The following OR51B5 variants were observed in gnomAD, a reference collection of about 807,000 sequenced individuals.
OR51B5 encodes the protein olfactory receptor family 51 subfamily B member 5, also known as olfactory receptor 51B5.
For missense variants in OR51B5, 456 were observed against 374.6 expected, an observed-to-expected ratio of 1.22 and a Z score of -1.79; for synonymous variants, 186 against 144.8, an observed-to-expected ratio of 1.28 and a Z score of -2.04.
chr11:5,459,228 T>C lies in OR51B5; in HGVS notation n.84+46341A>G, dbSNP rs1291902467. 2.0e-5 allele frequency among the ~76,000 whole-genome samples: 3 copies of C among 152,326 alleles called. No individual in the cohort carries two copies. The East Asian group carries it at 5.8e-4, about 29-fold the overall frequency. On this transcript the variant is annotated intron_variant and non_coding_transcript_variant, in intron 1 of 4. Coordinates refer to the OR51B5 transcript ENST00000415970. The stretch of plus-strand genomic sequence containing the variant: ...GAGATGGTTACATGGTCTTTGCTTT[T>C]AGTTCTGTTAAAGAGATGAATCACA...
chr11:5,376,397 AAAG>A (rs1042324374), intron 1 of OR51B5, among the ~76,000 whole-genome samples: 1 of 152,118 alleles, frequency 6.6e-6, no homozygotes. Flanking sequence ...ATCACAATTA[AAAG>A]AACTAGATAA....
intron 1 of OR51B5, chr11:5,505,533 G>C (rs1032793696): frequency 5.1e-6 from 6 of 1,173,092 alleles, no homozygotes; most frequent in African/African-American, 4.9e-5. Flanking sequence ...CCCGAGACTG[G>C]GCAATTTATA....
intron 1 of OR51B5, among the ~76,000 whole-genome samples, chr11:5,399,360 G>C (rs1285324941): frequency 2.0e-5 from 3 of 152,192 alleles, no homozygotes; most frequent in Non-Finnish European, 2.9e-5. Context: ...AAGAGATATA[G>C]AGTGGAGAGA....
intron 1 of OR51B5, among the ~76,000 whole-genome samples, chr11:5,376,290 A>C (rs890307573): frequency 9.9e-5 from 15 of 152,166 alleles, no homozygotes; most frequent in Admixed American, 7.2e-4. Context: ...ACATACCAGA[A>C]TCTCTGGGAC....
chr11:5,383,360 TAGAC>T (rs1849639852), intron 1 of OR51B5, among the ~76,000 whole-genome samples: 1 of 152,092 alleles, frequency 6.6e-6, no homozygotes, highest in Non-Finnish European at 1.5e-5. Flanking sequence ...AATATAAAAA[TAGAC>T]AGGAAAATGA....
At position 5,390,137 on chromosome 11, in the gene OR51B5, C is replaced by A. The variant is rs769876897; in HGVS notation, n.85-43227G>T. The A allele has an allele frequency of 2.5e-5, 41 of 1,613,668 alleles. No homozygotes were observed. Among genetic ancestry groups the A allele is most frequent in the Non-Finnish European group, 3.4e-5 (40 of 1,179,848 alleles). The stretch of plus-strand genomic sequence containing the variant: ...AGGCCTGGCCTCCCAAGAGGAGCAG[C>A]GCCGTGCCTTTCAGACATGCACCGC... On this transcript the variant is annotated intron_variant and non_coding_transcript_variant, in intron 1 of 4. Coordinates refer to the OR51B5 transcript ENST00000415970.
intron 1 of OR51B5, among the ~76,000 whole-genome samples, chr11:5,380,174 G>T (rs1388431495): frequency 6.6e-6 from 1 of 152,170 alleles, no homozygotes; most frequent in Non-Finnish European, 1.5e-5. Context: ...ACTGAAGAGA[G>T]GTAGGATGTT....
chr11:5,389,299 G>A, intron 1 of OR51B5: 1 of 1,137,200 alleles, frequency 8.8e-7, no homozygotes. Context: ...TACTAAAGGT[G>A]ATGATGACCA....
intron 1 of OR51B5, among the ~76,000 whole-genome samples, chr11:5,382,612 C>T (rs1266068581): frequency 6.6e-6 from 1 of 152,160 alleles, no homozygotes; most frequent in Non-Finnish European, 1.5e-5. Context: ...TGAAATTTTT[C>T]TGGTAGTGGT....
chr11:5,381,581 G>C (rs1849609632), intron 1 of OR51B5, among the ~76,000 whole-genome samples: 1 of 152,204 alleles, frequency 6.6e-6, no homozygotes, highest in East Asian at 1.9e-4. Context: ...ATAAAGGCAA[G>C]ACCATGACAT....
chr11:5,376,348 C>G (rs886193092), intron 1 of OR51B5, among the ~76,000 whole-genome samples: 96 of 152,180 alleles, frequency 6.3e-4, no homozygotes, highest in African/African-American at 2.2e-3. Flanking sequence ...TAAACGCCCA[C>G]AAGAGAAAGC....
At chr11:5,436,478 T>G (rs1396129899) in intron 1 of OR51B5, among the ~76,000 whole-genome samples, 4 of 152,168 alleles carry the variant, frequency 2.6e-5, no homozygotes, top group African/African-American at 9.6e-5. Flanking sequence ...TGACAGAATC[T>G]CATGTCTGTG....
intron 1 of OR51B5, among the ~76,000 whole-genome samples, chr11:5,496,249 C>T (rs774022802): frequency 5.1e-4 from 26 of 50,512 alleles, no homozygotes; most frequent in Non-Finnish European, 1.1e-3. Context: ...TCTCATAGGG[C>T]CCCTTGCATG....
At chr11:5,351,007 C>T (rs561755889) in intron 1 of OR51B5, among the ~76,000 whole-genome samples, 3 of 152,108 alleles carry the variant, frequency 2.0e-5, no homozygotes, top group Non-Finnish European at 2.9e-5. Flanking sequence ...TCCATATAAT[C>T]TTTATATCTG....
At chr11:5,435,456 C>T (rs1388470792) in intron 1 of OR51B5, among the ~76,000 whole-genome samples, 1 of 147,816 alleles carries the variant, frequency 6.8e-6, no homozygotes, top group Admixed American at 6.8e-5. Context: ...TGTCTGTATC[C>T]CTACCAGACC....
intron 1 of OR51B5, among the ~76,000 whole-genome samples, chr11:5,378,406 G>C (rs1475023890): frequency 1.3e-5 from 2 of 152,102 alleles, no homozygotes; most frequent in African/African-American, 4.8e-5. Flanking sequence ...CATGGGCAAG[G>C]ACTTCATGTC....
At position 5,343,425 on chromosome 11, in the gene OR51B5, TATACATGAACAAGAAAA is replaced by T. The variant is rs1564912304; in HGVS notation, c.83_99del (p.Phe28TyrfsTer15). ...GTGCCATTGCCAAAAAGGATGGATA[TATACATGAACAAGAAAA>T]ATACGGAAATCCAGTGATGAGCTTC... On this transcript the variant is annotated frameshift_variant, in exon 1 of 1. Transcript: ENST00000300773. LOFTEE classifies it low-confidence loss of function (END_TRUNC). 2.5e-6 allele frequency: 4 copies of T among 1,612,822 alleles called. No individual in the cohort carries two copies. The highest frequency in any genetic ancestry group is 3.4e-6 in the Non-Finnish European group (4 of 1,179,164).
chr11:5,492,762 G>T (rs939597006), intron 1 of OR51B5, among the ~76,000 whole-genome samples: 1 of 152,046 alleles, frequency 6.6e-6, no homozygotes, highest in Admixed American at 6.6e-5. Flanking sequence ...TCAGCTTCCT[G>T]AGTAACTGGG....
intron 1 of OR51B5, among the ~76,000 whole-genome samples, chr11:5,381,285 A>C (rs1444544504): frequency 6.6e-6 from 1 of 152,226 alleles, no homozygotes; most frequent in East Asian, 1.9e-4. Context: ...AGATTCTTTA[A>C]TAATGAATTC....
Sources: allele counts gnomAD v4.1 joint callset (sites outside exome capture counted in the v4.1 genomes callset), GRCh38; gene constraint gnomAD v4.1.1; transcripts MANE v1.5; gene names NCBI Gene and HGNC (gene_info 2026-07-23, HGNC 2026-07-21).